SYDE2: variants seen among roughly 807,000 people sequenced by gnomAD.
The protein encoded by SYDE2 is synapse defective Rho GTPase homolog 2.
Under a neutral mutation model 91.5 loss-of-function variants are expected in SYDE2, and 76 were observed. The ratio of observed to expected loss-of-function variants is 0.83; its 90% CI spans 0.69 to 1.01. The LOEUF (loss-of-function observed/expected upper bound fraction) is 1.01. SYDE2 is among the 50% of genes least tolerant of loss of function. The pLI is 0.00. For synonymous variants in SYDE2, 513 were observed against 506.4 expected (o/e 1.01, Z -0.18); for missense variants, 1,364 against 1,367.7 (o/e 1.00, Z 0.04).
At chr1:85,172,220 A>T (rs77215840) in intron 4 of SYDE2, among the ~76,000 whole-genome samples, 3,271 of 152,254 alleles carry the variant, frequency 0.021, 99 homozygotes, top group African/African-American at 0.075. Flanking sequence ...GAAGTAGAGC[A>T]AGTTCCCATC....
intron 2 of SYDE2, among the ~76,000 whole-genome samples, chr1:85,185,210 T>C (rs1341870242): frequency 6.8e-6 from 1 of 147,752 alleles, no homozygotes; most frequent in Non-Finnish European, 1.5e-5. Flanking sequence ...TAAATGTAAA[T>C]ATTTAATATT....
chr1:85,165,396 T>C (rs1169714983), intron 5 of SYDE2, among the ~76,000 whole-genome samples: 2 of 152,268 alleles, frequency 1.3e-5, no homozygotes, highest in Middle Eastern at 3.4e-3. Flanking sequence ...AAGGCTGTGA[T>C]GAAAAGGGGA....
chr1:85,160,297 G>A, intron 6 of SYDE2: 8 of 931,700 alleles, frequency 8.6e-6, no homozygotes, highest in Non-Finnish European at 1.0e-5. Context: ...CATATATATG[G>A]TTCTAGTTTT....
chr1:85,169,771 G>GA (rs1657432989), intron 4 of SYDE2, among the ~76,000 whole-genome samples: 3 of 152,036 alleles, frequency 2.0e-5, no homozygotes, highest in Non-Finnish European at 2.9e-5. Context: ...TCATATGCAA[G>GA]AAAAAATCAT....
chr1:85,182,141 A>T lies in SYDE2; in HGVS notation c.2501T>A (p.Leu834Gln). The change falls in exon 3 of 7, where the codon CTG becomes CAG. Residue 834 changes from leucine (L) to glutamine (Q), a missense_variant. Transcript: ENST00000341460. ...AATTTCCATAATACATTTCTGTATCAGAAGGGGCACCATCAGTCCTATATT... is the reference window on the plus strand; with the variant it reads ...AATTTCCATAATACATTTCTGTATCTGAAGGGGCACCATCAGTCCTATATT... ...KENIGLMVPL[L>Q]IQKCIMEIEK... The T allele has an allele frequency of 6.2e-7, 1 of 1,601,864 alleles. No individual in the cohort carries two copies.
intron 3 of SYDE2, among the ~76,000 whole-genome samples, chr1:85,179,029 T>C (rs1272951798): frequency 6.6e-6 from 1 of 152,090 alleles, no homozygotes; most frequent in Non-Finnish European, 1.5e-5. Context: ...TCACTATAAA[T>C]TTACTTAGAA....
chr1:85,172,536 T>TTAC (rs1657539297), intron 4 of SYDE2, among the ~76,000 whole-genome samples: 1 of 152,056 alleles, frequency 6.6e-6, no homozygotes, highest in Non-Finnish European at 1.5e-5. Context: ...GGGACTAGAT[T>TTAC]TACCTTCCTG....
intron 6 of SYDE2, among the ~76,000 whole-genome samples, chr1:85,163,360 T>G (rs1346051547): frequency 1.3e-5 from 2 of 149,842 alleles, no homozygotes; most frequent in Non-Finnish European, 3.0e-5. Flanking sequence ...CCTGCCTCGG[T>G]CTCCCAAAGT....
intron 1 of SYDE2, among the ~76,000 whole-genome samples, chr1:85,196,948 T>C (rs1429448909): frequency 1.3e-5 from 2 of 152,132 alleles, no homozygotes; most frequent in Non-Finnish European, 2.9e-5. Flanking sequence ...CAGTCTAAAG[T>C]TTTTTCTTTC....
chr1:85,176,459 G>A (rs1217583952), intron 4 of SYDE2, among the ~76,000 whole-genome samples: 1 of 152,026 alleles, frequency 6.6e-6, no homozygotes, highest in Non-Finnish European at 1.5e-5. Flanking sequence ...GCACTCAAAG[G>A]GTGGGAAGCT....
At chr1:85,179,767 C>G (rs1198639382) in intron 3 of SYDE2, among the ~76,000 whole-genome samples, 6 of 152,108 alleles carry the variant, frequency 3.9e-5, no homozygotes, top group Non-Finnish European at 8.8e-5. Flanking sequence ...GATTATAGCC[C>G]TGCTGGTGTG....
chr1:85,185,215 AAT>A (rs1658085619), intron 2 of SYDE2, among the ~76,000 whole-genome samples: 1 of 147,724 alleles, frequency 6.8e-6, no homozygotes, highest in South Asian at 2.1e-4. Context: ...GTAAATATTT[AAT>A]ATTTATAATA....
Sources: gnomAD v4.1 joint callset for allele counts (sites outside exome capture counted in the v4.1 genomes callset) on GRCh38, gnomAD v4.1.1 for gene constraint, MANE v1.5 for transcripts, NCBI Gene and HGNC (gene_info 2026-07-23, HGNC 2026-07-21) for gene names.